The following ACACA variants were observed in gnomAD, a reference collection of about 807,000 sequenced individuals.
ACACA encodes acetyl-CoA carboxylase alpha.
In ACACA, 103 loss-of-function variants were observed where a neutral mutation model predicts 296.1. That is an observed-to-expected ratio of 0.35 (90% CI 0.30 to 0.41). The LOEUF (loss-of-function observed/expected upper bound fraction) is 0.41. Ranked by LOEUF, ACACA falls within the 10% of genes least tolerant of loss-of-function variation. The pLI, the probability that ACACA is intolerant of heterozygous loss-of-function variation, is 1.00. For synonymous variants in ACACA, 953 were observed against 1,038.6 expected (o/e 0.92, Z 1.58); for missense variants, 1,554 against 2,989.7 (o/e 0.52, Z 11.20).
Position 37,301,489 on chromosome 17 carries a change from T to C in ACACA, c.339-16519A>G, listed in dbSNP as rs1359538466. The C allele has an allele frequency of 6.0e-6, 4 of 666,246 alleles. No individual in the cohort carries two copies. The African/African-American group carries it at 7.9e-5, about 13-fold the overall frequency. The allele number at this position is 666,246 out of a possible 1,614,324, so 41.3% of individuals were successfully genotyped here. On this transcript the variant is annotated intron_variant, in intron 3 of 55. Coordinates refer to ENST00000616317, the MANE Select transcript of ACACA (RefSeq NM_198834.3). ...GGCAGACAGTGATGCATTCGCTAGC[T>C]TGACTGCAACACAGTCTGAGTTATA... is the stretch of plus-strand genomic sequence containing the variant.
chr17:37,136,124 T>C (rs80207966), intron 45 of ACACA, among the ~76,000 whole-genome samples: 2,666 of 150,900 alleles, frequency 0.018, 63 homozygotes, highest in South Asian at 0.1. Flanking sequence ...TCATAAGGTA[T>C]ACAAGTCTGT....
intron 40 of ACACA, among the ~76,000 whole-genome samples, chr17:37,179,957 T>C (rs1488556493): frequency 2.6e-5 from 4 of 152,208 alleles, no homozygotes; most frequent in Non-Finnish European, 5.9e-5. Flanking sequence ...GCAGATCAAT[T>C]CTGCTCAATT....
intron 1 of ACACA, among the ~76,000 whole-genome samples, chr17:37,373,175 G>A (rs1191020584): frequency 5.3e-5 from 8 of 152,026 alleles, no homozygotes; most frequent in Non-Finnish European, 1.0e-4. Context: ...CACGGTGCCC[G>A]GCCTACTCCT....
At chr17:37,099,899 A>C (rs1411117489) in intron 52 of ACACA, among the ~76,000 whole-genome samples, 2 of 152,216 alleles carry the variant, frequency 1.3e-5, no homozygotes, top group African/African-American at 2.4e-5. Context: ...GAAGCCCTCA[A>C]AAAACGATTG....
chr17:37,094,117 C>T (rs2072821321), intron 54 of ACACA, among the ~76,000 whole-genome samples: 1 of 152,126 alleles, frequency 6.6e-6, no homozygotes, highest in Non-Finnish European at 1.5e-5. Flanking sequence ...GTTCTTATGA[C>T]CCAATTTAAA....
chr17:37,087,120 G>A lies in ACACA; in HGVS notation c.*196C>T. On this transcript the variant is annotated 3_prime_UTR_variant, in exon 56 of 56. Transcript: ENST00000616317. ...AATAAATACTGAATGGGGTAGGTGT[G>A]ACTGGTGGGCTGGAGGGGGATTCTG... The A allele has an allele frequency of 1.4e-6, 1 of 724,436 alleles. No individual in the cohort carries two copies. Among genetic ancestry groups the A allele is most frequent in the South Asian group, 1.7e-5 (1 of 58,790 alleles). 44.9% of individuals were successfully genotyped at this position (724,436 alleles called of 1,614,324 possible).
chr17:37,137,463 CA>C (rs796700062), intron 45 of ACACA, among the ~76,000 whole-genome samples: 7 of 152,250 alleles, frequency 4.6e-5, no homozygotes, highest in African/African-American at 1.7e-4. Context: ...AGCTAAATTT[CA>C]GCTCCATGAA....
chr17:37,291,538 T>C (rs1441580772), intron 3 of ACACA, among the ~76,000 whole-genome samples: 1 of 152,148 alleles, frequency 6.6e-6, no homozygotes, highest in African/African-American at 2.4e-5. Context: ...CAAAGCTGTG[T>C]TGGGCCTCAT....
At chr17:37,360,842 G>T (rs1181438993) in intron 1 of ACACA, among the ~76,000 whole-genome samples, 1 of 152,060 alleles carries the variant, frequency 6.6e-6, no homozygotes, top group African/African-American at 2.4e-5. Flanking sequence ...AGACTTCCTG[G>T]TTTAGTAAGA....
chr17:37,117,907 T>C (rs936887006), intron 50 of ACACA, among the ~76,000 whole-genome samples: 3 of 152,098 alleles, frequency 2.0e-5, no homozygotes, highest in African/African-American at 7.2e-5. Context: ...AGTCGGCTCC[T>C]GGCTGTGTGT....
intron 41 of ACACA, among the ~76,000 whole-genome samples, chr17:37,166,014 G>T (rs2076652219): frequency 6.6e-6 from 1 of 152,088 alleles, no homozygotes; most frequent in Non-Finnish European, 1.5e-5. Flanking sequence ...TGCTGCCTAG[G>T]ATTGCTTTTG....
In ACACA at chr17:37,379,168, C is replaced by T. The variant is rs748044231; in HGVS notation, c.38+27094G>A. Reference sequence around the variant, plus strand: ...ACACAGAAACCAAAAGGACAACATTCATTCAAAACCGGACTATAGCTACCC... The same window carrying T: ...ACACAGAAACCAAAAGGACAACATTTATTCAAAACCGGACTATAGCTACCC... On this transcript the variant is annotated intron_variant, in intron 1 of 55. Coordinates refer to ENST00000616317, the MANE Select transcript of ACACA (RefSeq NM_198834.3). 3.7e-6 allele frequency: 6 copies of T among 1,613,826 alleles called. No individual in the cohort carries two copies. In the South Asian group the frequency reaches 5.5e-5, roughly 15 times the overall value.
intron 50 of ACACA, among the ~76,000 whole-genome samples, chr17:37,119,041 GGGCCC>G (rs2074392221): frequency 2.0e-5 from 3 of 152,098 alleles, no homozygotes; most frequent in South Asian, 4.2e-4. Flanking sequence ...CATTCTCAGT[GGGCCC>G]CCCACAAAGA....
At chr17:37,092,681 T>C (rs2072728480) in intron 54 of ACACA, among the ~76,000 whole-genome samples, 1 of 152,220 alleles carries the variant, frequency 6.6e-6, no homozygotes, top group Admixed American at 6.5e-5. Flanking sequence ...CACAACCTGA[T>C]GGATGTGAGC....
intron 3 of ACACA, among the ~76,000 whole-genome samples, chr17:37,302,572 C>T (rs893378357): frequency 1.3e-5 from 2 of 149,948 alleles, no homozygotes; most frequent in South Asian, 2.1e-4. Flanking sequence ...GGATTACAGG[C>T]GTGAGCCACC....
Position 37,207,665 on chromosome 17 carries a change from A to C in ACACA, c.3843T>G (p.Asp1281Glu). 6.2e-7 allele frequency: 1 copy of C among 1,613,960 alleles called. No individual in the cohort carries two copies. The highest frequency in any genetic ancestry group is 8.5e-7 in the Non-Finnish European group (1 of 1,179,882). ...GGMVSFRTFE[D>E]FVRIFDEVMG... ...GTTCCACAATGTCTTACCTGACAAA[A>C]TCTTCAAAAGTCCGAAAAGAGACCA... is the stretch of plus-strand genomic sequence containing the variant. Residue 1281 changes from aspartate to glutamate, a missense_variant, in exon 31 of 56, where the codon GAT becomes GAG. Asp to Glu is a conservative substitution (Grantham distance 45, BLOSUM62 2). This residue lies in a region of ACACA where 179 missense variants were observed against 283.2 expected (regional missense o/e 0.63). Coordinates refer to ENST00000616317, the MANE Select transcript of ACACA (RefSeq NM_198834.3).
intron 3 of ACACA, among the ~76,000 whole-genome samples, chr17:37,296,524 C>G (rs891303941): frequency 5.9e-5 from 9 of 151,880 alleles, no homozygotes; most frequent in African/African-American, 2.2e-4. Flanking sequence ...CCAGGATGGT[C>G]TCGATCTCCT....
intron 25 of ACACA, among the ~76,000 whole-genome samples, chr17:37,228,940 G>C (rs1011292549): frequency 6.6e-6 from 1 of 152,018 alleles, no homozygotes; most frequent in Non-Finnish European, 1.5e-5. Context: ...TCAGGAGATC[G>C]AGACCATCCT....
At chr17:37,232,170 T>G (rs2079892831) in intron 25 of ACACA, among the ~76,000 whole-genome samples, 2 of 152,162 alleles carry the variant, frequency 1.3e-5, no homozygotes, top group African/African-American at 4.8e-5. Flanking sequence ...CCCATGACAT[T>G]GACTCACGGA....
Sources: gnomAD v4.1 joint callset for allele counts (sites outside exome capture counted in the v4.1 genomes callset) on GRCh38, gnomAD v4.1.1 for gene constraint, gnomAD v4.1.1 regional missense constraint, MANE v1.5 for transcripts, NCBI Gene and HGNC (gene_info 2026-07-23, HGNC 2026-07-21) for gene names.